GAS7: variants seen among roughly 807,000 people sequenced by gnomAD.
The protein encoded by GAS7 is growth arrest specific 7, also known as growth arrest-specific protein 7.
In GAS7, 28 loss-of-function variants were observed where a neutral mutation model predicts 71.1. That is an observed-to-expected ratio of 0.39 (90% CI 0.29 to 0.54). GAS7 has a LOEUF of 0.54. GAS7 is among the 20% of genes least tolerant of loss of function. The probability of loss-of-function intolerance (pLI) is 0.62; values close to 1 mark genes in which losing one functional copy is unlikely to be tolerated. For synonymous variants in GAS7, 258 were observed against 245.8 expected, an observed-to-expected ratio of 1.05 and a Z score of -0.46; for missense variants, 436 against 627.8, an observed-to-expected ratio of 0.69 and a Z score of 3.27.
intron 1 of GAS7, among the ~76,000 whole-genome samples, chr17:10,036,100 C>T (rs768278797): frequency 6.6e-6 from 1 of 152,184 alleles, no homozygotes; most frequent in Non-Finnish European, 1.5e-5. Flanking sequence ...TCACACAGCT[C>T]CAACTACGAA....
intron 1 of GAS7, among the ~76,000 whole-genome samples, chr17:10,072,464 A>C (rs1273133811): frequency 1.3e-5 from 2 of 151,976 alleles, no homozygotes; most frequent in Non-Finnish European, 2.9e-5. Flanking sequence ...ACCTCTGTCC[A>C]CCCTGAGAAG....
rs78033045 is a variant in GAS7 at position 9,954,876 on chromosome 17, C to T, written c.525+4326G>A. On this transcript the variant is annotated intron_variant, in intron 5 of 13. Transcript: ENST00000432992. ...TCCATTGGGATGGAAGATGGAAGAA[C>T]AGTCCCTTCGGAGAGAGGGAGGCAG... Among the ~76,000 whole-genome samples, 1,474 of 152,224 alleles carry T rather than the reference C, an allele frequency of 9.7e-3. 10 individuals carry two copies. The highest frequency in any genetic ancestry group is 0.017 in the Middle Eastern group (5 of 294).
rs763841193 is a variant in GAS7 at position 9,917,300 on chromosome 17, C to A, written c.1359G>T (p.Pro453=). The A allele has an allele frequency of 3.1e-6, 5 of 1,613,988 alleles. No individual in the cohort carries two copies. Among genetic ancestry groups the A allele is most frequent in the Non-Finnish European group, 3.4e-6 (4 of 1,179,916 alleles). The change falls in exon 14 of 14, where the codon CCG becomes CCT. Residue 453 remains proline, a synonymous_variant. Coordinates refer to ENST00000432992, the MANE Select transcript of GAS7 (RefSeq NM_201433.2). ...TGACCCACAGCTCCCTGTCTTTGGC[C>A]GGGTCCACTTTTCGAAGCAGCTGAT... ...PVDQLLRKVD[P]AKDRELWVRE...
chr17:10,074,529 T>C (rs918713710), intron 1 of GAS7, among the ~76,000 whole-genome samples: 2 of 152,212 alleles, frequency 1.3e-5, no homozygotes, highest in African/African-American at 2.4e-5. Context: ...TGGAACTCCC[T>C]GGTTATTTGT....
Position 9,934,780 on chromosome 17 carries a change from G to C in GAS7, c.807-536C>G, listed in dbSNP as rs557354744. ...TGAGACAGTCTTGCTCTGTCGCCTAGGCTGGAGTACAATGGCGCGATCTTG... is the reference window on the plus strand; with the variant it reads ...TGAGACAGTCTTGCTCTGTCGCCTACGCTGGAGTACAATGGCGCGATCTTG... On this transcript the variant is annotated intron_variant, in intron 8 of 13. Coordinates refer to ENST00000432992, the MANE Select transcript of GAS7 (RefSeq NM_201433.2). Among the ~76,000 whole-genome samples, 18 of 152,210 alleles carry C rather than the reference G, an allele frequency of 1.2e-4. 1 individual carries two copies. Among genetic ancestry groups the C allele is most frequent in the Non-Finnish European group, 1.8e-4 (12 of 68,044 alleles).
chr17:10,113,917 G>C (rs967852883), intron 1 of GAS7, among the ~76,000 whole-genome samples: 4 of 151,998 alleles, frequency 2.6e-5, no homozygotes, highest in Non-Finnish European at 4.4e-5. Context: ...ACATACTTCT[G>C]TCTCTTTTGT....
At chr17:9,964,418 G>C (rs1335535407) in intron 4 of GAS7, among the ~76,000 whole-genome samples, 1 of 152,076 alleles carries the variant, frequency 6.6e-6, no homozygotes, top group Non-Finnish European at 1.5e-5. Context: ...AGCTCCTCGT[G>C]GCAGGCCTGC....
chr17:9,958,549 G>A (rs2069340483), intron 5 of GAS7, among the ~76,000 whole-genome samples: 1 of 152,054 alleles, frequency 6.6e-6, no homozygotes, highest in South Asian at 2.1e-4. Context: ...ACACTTCTCA[G>A]GCCTGTGCCC....
In GAS7 at chr17:10,103,470, AAAC is replaced by A. The variant is rs563792750; in HGVS notation, c.184-83576_184-83574del. On this transcript the variant is annotated intron_variant, in intron 1 of 13. Coordinates refer to ENST00000432992, the MANE Select transcript of GAS7 (RefSeq NM_201433.2). This position sits in a 1 kb window ranked among gnomAD's most constrained non-coding sequence, Gnocchi z 5.5. ...CAGTGAGACTGTTTTCCATTTTCCA[AAAC>A]AACGATTTCATTTCTCAGATGATGG... 6.0e-4 allele frequency among the ~76,000 whole-genome samples: 92 copies of A among 152,206 alleles called. No homozygotes were observed. Among genetic ancestry groups the A allele is most frequent in the African/African-American group, 2.1e-3 (88 of 41,546 alleles).
chr17:10,007,927 T>C (rs898233828), intron 2 of GAS7, among the ~76,000 whole-genome samples: 1 of 152,178 alleles, frequency 6.6e-6, no homozygotes, highest in African/African-American at 2.4e-5. Context: ...CCAGGGTGGT[T>C]TTCTGTGGAT....
intron 2 of GAS7, among the ~76,000 whole-genome samples, chr17:9,995,684 G>T (rs2071015615): frequency 6.6e-6 from 1 of 152,160 alleles, no homozygotes; most frequent in Non-Finnish European, 1.5e-5. Context: ...TGCAAAAACA[G>T]GTGAGAATGC....
chr17:10,188,426 T>G (rs1235608140), intron 1 of GAS7, among the ~76,000 whole-genome samples: 1 of 152,188 alleles, frequency 6.6e-6, no homozygotes. Context: ...GCCTGATATA[T>G]CAGATGCTCC....
intron 1 of GAS7, among the ~76,000 whole-genome samples, chr17:10,133,508 C>T (rs1297540528): frequency 6.6e-6 from 1 of 152,106 alleles, no homozygotes; most frequent in Non-Finnish European, 1.5e-5. Context: ...TGTGGAGTGG[C>T]TCAACTGAGC....
intron 6 of GAS7, among the ~76,000 whole-genome samples, chr17:9,946,266 A>G (rs531445016): frequency 6.6e-6 from 1 of 152,308 alleles, no homozygotes; most frequent in Non-Finnish European, 1.5e-5. Flanking sequence ...GGTGAAAAAA[A>G]TACATCTAGC....
Sources: gnomAD v4.1 joint callset for allele counts (sites outside exome capture counted in the v4.1 genomes callset) on GRCh38, gnomAD v4.1.1 for gene constraint, Gnocchi (gnomAD v3.1) non-coding constraint, MANE v1.5 for transcripts, NCBI Gene and HGNC (gene_info 2026-07-23, HGNC 2026-07-21) for gene names.